Variants in KLHDC4 observed in about 807,000 individuals in gnomAD.
KLHDC4 encodes the protein kelch domain-containing protein 4.
A neutral mutation model predicts 62.4 loss-of-function variants in KLHDC4; 90 were observed. That is an observed-to-expected ratio of 1.44 (90% CI 1.22 to 1.72). KLHDC4 has a LOEUF of 1.72. Among genes scored for constraint, KLHDC4 ranks in the 40% most tolerant of loss-of-function variants. The pLI, the probability that KLHDC4 is intolerant of heterozygous loss-of-function variation, is 0.00. For synonymous variants in KLHDC4, 386 were observed against 284.4 expected (o/e 1.36, Z -3.59); for missense variants, 1,025 against 699.7 (o/e 1.47, Z -5.25).
At chr16:87,748,640 G>C in intron 5 of KLHDC4, 33 bp downstream of exon 5, 6 of 1,613,202 alleles carry the variant, frequency 3.7e-6, no homozygotes, top group Non-Finnish European at 5.1e-6. Flanking sequence ...GAAGAGCCAT[G>C]CCCGGAGCTC....
chr16:87,727,238 T>G (rs900296778), intron 6 of KLHDC4, among the ~76,000 whole-genome samples: 3 of 152,196 alleles, frequency 2.0e-5, no homozygotes, highest in Non-Finnish European at 4.4e-5. Context: ...ACGTATGAGT[T>G]TGCATTTGAA....
At chr16:87,754,656 C>T (rs1452571625) in intron 4 of KLHDC4, among the ~76,000 whole-genome samples, 1 of 152,194 alleles carries the variant, frequency 6.6e-6, no homozygotes, top group Admixed American at 6.5e-5. Context: ...TGGACAAGGA[C>T]AGAGTTCCCA....
At chr16:87,714,318 C>A (rs941135175) in intron 8 of KLHDC4, 180 bp downstream of exon 8, 3 of 900,688 alleles carry the variant, frequency 3.3e-6, no homozygotes, top group East Asian at 1.2e-4. Context: ...CCAGCAGACA[C>A]CAGGGCTATG....
At chr16:87,736,941 A>G (rs2041417240) in intron 5 of KLHDC4, among the ~76,000 whole-genome samples, 1 of 151,838 alleles carries the variant, frequency 6.6e-6, no homozygotes, top group Admixed American at 6.6e-5. Context: ...CCTGGCCAAC[A>G]TGGTAAAACC....
chr16:87,732,374 G>C (rs1192387841), intron 5 of KLHDC4, among the ~76,000 whole-genome samples: 1 of 152,140 alleles, frequency 6.6e-6, no homozygotes, highest in Admixed American at 6.5e-5. Flanking sequence ...GGGATTACAG[G>C]CATGAGCCAC....
exon 1 of KLHDC4, chr16:87,700,697 AGG>A (rs2034101412): frequency 1.2e-5 from 2 of 167,894 alleles, no homozygotes; most frequent in African/African-American, 8.2e-5. Context: ...GGGCGGAGGG[AGG>A]AGGTTGGAGG....
chr16:87,714,212 G>A (rs1243239341), intron 8 of KLHDC4, among the ~76,000 whole-genome samples: 1 of 152,202 alleles, frequency 6.6e-6, no homozygotes, highest in African/African-American at 2.4e-5. Flanking sequence ...GCTGCTGAGG[G>A]GCACTGTGCT....
chr16:87,756,474 T>G lies in KLHDC4; in HGVS notation c.195A>C (p.Leu65Phe), dbSNP rs1171680922. The G allele has an allele frequency of 1.2e-6, 2 of 1,613,362 alleles. No homozygotes were observed. Among genetic ancestry groups the G allele is most frequent in the South Asian group, 2.2e-5 (2 of 91,052 alleles). Reference protein sequence around the residue: ...ELPCPPPSPRLNASLSVHPEK... With the variant: ...ELPCPPPSPRFNASLSVHPEK... ...CAGGATGAACCGAGAGGGAGGCATT[T>G]AACCTACAAGACACACAAGCGGCAG... is the stretch of plus-strand genomic sequence containing the variant. Residue 65 changes from leucine (L) to phenylalanine (F), a missense_variant, in exon 3 of 12, where the codon TTA becomes TTC. Coordinates refer to ENST00000270583, the MANE Select transcript of KLHDC4 (RefSeq NM_017566.4).
chr16:87,714,089 G>A (rs527493106), intron 8 of KLHDC4, among the ~76,000 whole-genome samples: 75 of 152,232 alleles, frequency 4.9e-4, no homozygotes, highest in African/African-American at 1.6e-3. Context: ...CCCCAAGAGC[G>A]AGGCCCGTCA....
At chr16:87,718,255 A>G (rs906423996) in intron 7 of KLHDC4, among the ~76,000 whole-genome samples, 2 of 150,856 alleles carry the variant, frequency 1.3e-5, no homozygotes, top group Admixed American at 6.6e-5. Context: ...ACATTCACGC[A>G]GTCTTTCCAC....
intron 9 of KLHDC4, chr16:87,710,936 A>G: frequency 2.7e-6 from 1 of 376,712 alleles, no homozygotes; most frequent in East Asian, 4.9e-5. Context: ...CCACACCAGG[A>G]CCTCCAGCAA....
At chr16:87,751,457 G>A (rs1048129745) in intron 4 of KLHDC4, among the ~76,000 whole-genome samples, 2 of 148,222 alleles carry the variant, frequency 1.3e-5, no homozygotes, top group Non-Finnish European at 3.0e-5. Context: ...CCGGGCAACA[G>A]AGCAAGACTT....
At chr16:87,718,936 G>A (rs922720846) in intron 7 of KLHDC4, among the ~76,000 whole-genome samples, 1 of 151,408 alleles carries the variant, frequency 6.6e-6, no homozygotes, top group Non-Finnish European at 1.5e-5. Context: ...GGGAGGTGAG[G>A]AGCGTCTCTG....
intron 9 of KLHDC4, chr16:87,710,051 C>G: frequency 5.1e-6 from 1 of 196,496 alleles, no homozygotes; most frequent in Non-Finnish European, 1.0e-5. Flanking sequence ...CCCAGAAGGG[C>G]TGGGGAAGCC....
chr16:87,708,410 C>T lies in KLHDC4; in HGVS notation c.1504G>A (p.Gly502Ser). ...TCGTCGTCGACCCCACCCTCGGCGC[C>T]CTCAACCTCCTCACTGTCCTCTTCC... The part of the protein sequence containing the change: ...DSEEDSEEVE[G>S]AEGGVDDEDS... Residue 502 changes from glycine (G) to serine (S), a missense_variant, in exon 11 of 12, where the codon GGC becomes AGC. Physicochemically the swap from Gly to Ser is moderately conservative, Grantham distance 56 (BLOSUM62 0). Transcript: ENST00000270583. 1 of 1,612,162 alleles carries T rather than the reference C, an allele frequency of 6.2e-7. No individual in the cohort carries two copies. The highest frequency in any genetic ancestry group is 8.5e-7 in the Non-Finnish European group (1 of 1,179,626).
At chr16:87,726,954 C>G (rs1597530394) in intron 6 of KLHDC4, 30 bp from the exon 7 acceptor site, 1 of 1,610,276 alleles carries the variant, frequency 6.2e-7, no homozygotes, top group South Asian at 1.1e-5. Flanking sequence ...CTGTCAGGGT[C>G]CGTAACATTG....
chr16:87,760,404 A>C (rs953541836), intron 2 of KLHDC4, among the ~76,000 whole-genome samples: 8 of 150,454 alleles, frequency 5.3e-5, no homozygotes, highest in Non-Finnish European at 8.9e-5. Flanking sequence ...TCAGAAGATC[A>C]AGACCATCCT....
chr16:87,703,598 C>G (rs532440431), downstream of KLHDC4, among the ~76,000 whole-genome samples: 1 of 152,264 alleles, frequency 6.6e-6, no homozygotes, highest in African/African-American at 2.4e-5. Context: ...TGTAAACCTG[C>G]GCTTCTCACC....
intron 7 of KLHDC4, among the ~76,000 whole-genome samples, chr16:87,719,055 G>GA (rs1205407704): frequency 6.6e-6 from 1 of 151,612 alleles, no homozygotes; most frequent in African/African-American, 2.4e-5. Flanking sequence ...GAGGTGGGGG[G>GA]CAGCCCCCGC....
Sources: gnomAD v4.1 joint callset for allele counts (sites outside exome capture counted in the v4.1 genomes callset) on GRCh38, gnomAD v4.1.1 for gene constraint, MANE v1.5 for transcripts, NCBI Gene and HGNC (gene_info 2026-07-23, HGNC 2026-07-21) for gene names.